The following PI4KA variants were observed in gnomAD, a reference collection of about 807,000 sequenced individuals.
The protein encoded by PI4KA is phosphatidylinositol 4-kinase alpha, also known as PI4-kinase alpha.
PI4KA carries 122 observed loss-of-function variants against 271.4 expected under a neutral mutation model. That is an observed-to-expected ratio of 0.45 (90% CI 0.39 to 0.52). The LOEUF (loss-of-function observed/expected upper bound fraction) is 0.52. Among genes scored for constraint, PI4KA ranks in the 20% least tolerant of loss-of-function variants. PI4KA has a pLI of 0.00. For missense variants in PI4KA, 1,969 were observed against 2,769.1 expected, an observed-to-expected ratio of 0.71 and a Z score of 6.48; for synonymous variants, 1,041 against 1,078.8, an observed-to-expected ratio of 0.96 and a Z score of 0.69.
At chr22:20,795,225 C>T (rs1460306175) in intron 18 of PI4KA, among the ~76,000 whole-genome samples, 1 of 151,368 alleles carries the variant, frequency 6.6e-6, no homozygotes, top group Non-Finnish European at 1.5e-5. Context: ...CCTAAACACG[C>T]CTCAGTACCA....
intron 10 of PI4KA, among the ~76,000 whole-genome samples, chr22:20,806,428 G>A (rs1394836752): frequency 2.6e-5 from 4 of 152,120 alleles, no homozygotes; most frequent in Non-Finnish European, 5.9e-5. Flanking sequence ...CCAGCACTTT[G>A]GGAGGCCAAG....
At chr22:20,751,461 C>T in intron 26 of PI4KA, 85 bp from the exon 27 acceptor site, 1 of 1,210,720 alleles carries the variant, frequency 8.3e-7, no homozygotes, top group Non-Finnish European at 1.2e-6. Context: ...TACCCACCAC[C>T]TGTCTGTCTG....
chr22:20,855,271 T>C (rs2030210761), intron 1 of PI4KA, among the ~76,000 whole-genome samples: 1 of 151,794 alleles, frequency 6.6e-6, no homozygotes, highest in Non-Finnish European at 1.5e-5. Flanking sequence ...TTTATATATA[T>C]ATATTTTTAT....
chr22:20,849,168 T>C (rs1226342376), intron 1 of PI4KA, among the ~76,000 whole-genome samples: 1 of 152,220 alleles, frequency 6.6e-6, no homozygotes, highest in South Asian at 2.1e-4. Flanking sequence ...TCCACTAGGA[T>C]GGCTATAACT....
intron 14 of PI4KA, among the ~76,000 whole-genome samples, chr22:20,801,035 C>G (rs1190044341): frequency 1.3e-5 from 2 of 149,180 alleles, no homozygotes; most frequent in South Asian, 4.4e-4. Context: ...GGATTACAGG[C>G]ACGTGCCACC....
rs770468103 is a variant in PI4KA at position 20,819,789 on chromosome 22, G to C, written c.641C>G (p.Pro214Arg). 3.7e-6 allele frequency: 6 copies of C among 1,614,186 alleles called. No individual in the cohort carries two copies. The highest frequency in any genetic ancestry group is 5.1e-6 in the Non-Finnish European group (6 of 1,180,014). ...CTCTTCCAGGACACGGAGGGAATGA[G>C]GAGGGATTTTGGGAAAGAGCTTTGA... ...LLSKLFPKIP[P>R]HSLRVLEELE... Residue 214 changes from proline (P) to arginine (R), a missense_variant, in exon 6 of 55, where the codon CCT (proline) becomes CGT (arginine). By Grantham distance (103) the Pro-to-Arg change is moderately radical. Transcript: ENST00000255882.
intron 36 of PI4KA, 116 bp downstream of exon 36, chr22:20,732,855 G>A: frequency 1.7e-6 from 2 of 1,173,482 alleles, no homozygotes; most frequent in Non-Finnish European, 2.5e-6. Flanking sequence ...CCAAGGCCAG[G>A]GCTCAGGGGG....
intron 19 of PI4KA, among the ~76,000 whole-genome samples, chr22:20,783,781 C>A (rs1466757873): frequency 2.0e-5 from 3 of 152,162 alleles, no homozygotes; most frequent in African/African-American, 7.2e-5. Flanking sequence ...GTCCGGGTAA[C>A]CTCTCGTTAA....
chr22:20,719,636 T>C (rs1926456559), intron 43 of PI4KA, among the ~76,000 whole-genome samples: 2 of 151,960 alleles, frequency 1.3e-5, no homozygotes, highest in South Asian at 4.2e-4. Context: ...GATGTTTTCC[T>C]GAAAATGAAC....
intron 27 of PI4KA, 44 bp from the exon 28 acceptor site, chr22:20,750,038 C>T: frequency 7.9e-7 from 1 of 1,270,800 alleles, no homozygotes; most frequent in Non-Finnish European, 1.2e-6. Flanking sequence ...GAGGTCAGTT[C>T]ATCTGAGCTG....
Position 20,710,913 on chromosome 22 carries a change from A to G in PI4KA, c.5924-55T>C, listed in dbSNP as rs113356965. On this transcript the variant is annotated intron_variant, in intron 51 of 54. Transcript: ENST00000255882. ...TGGGTAGGAGCCAGGGCGGGCAAGG[A>G]CAAGTGGTCTGTTTTGAGGAGTGGA... 114,662 of 1,599,928 alleles carry G rather than the reference A, an allele frequency of 0.072. 3,860 individuals carry two copies. Among genetic ancestry groups the G allele is most frequent in the Non-Finnish European group, 0.075 (87,823 of 1,169,208 alleles).
intron 48 of PI4KA, 123 bp downstream of exon 48, chr22:20,713,158 G>C: frequency 1.2e-6 from 1 of 819,296 alleles, no homozygotes; most frequent in South Asian, 1.5e-5. Flanking sequence ...CGTGGCACCT[G>C]AACCATATAA....
chr22:20,831,265 T>C (rs1924125437), intron 3 of PI4KA, among the ~76,000 whole-genome samples: 1 of 151,930 alleles, frequency 6.6e-6, no homozygotes, highest in Non-Finnish European at 1.5e-5. Context: ...AATTCTTTTC[T>C]TTAACAATGC....
rs1927488889 is a variant in PI4KA at position 20,727,393 on chromosome 22, AG to A, written c.4777del (p.Leu1593TrpfsTer47). 6.2e-7 allele frequency: 1 copy of A among 1,601,890 alleles called. No homozygotes were observed. The highest frequency in any genetic ancestry group is 1.3e-5 in the African/African-American group (1 of 74,474). On this transcript the variant is annotated frameshift_variant, in exon 41 of 55. Coordinates refer to ENST00000255882, the MANE Select transcript of PI4KA (RefSeq NM_058004.4). LOFTEE classifies it high-confidence loss of function. ...VSDVPEAIKF[L>X]VTWHTIDADA... ...GGCGTCGATGGTGTGCCAGGTGACC[AG>A]GAACTGCAGAGAAGGTGGGGAGATG...
At chr22:20,834,322 A>C (rs1363310189) in intron 3 of PI4KA, among the ~76,000 whole-genome samples, 1 of 152,060 alleles carries the variant, frequency 6.6e-6, no homozygotes, top group African/African-American at 2.4e-5. Context: ...GTTCTTGCTC[A>C]CTCTCAGAAG....
rs140099584 is a variant in PI4KA, at chr22:20,716,819, G to A, written c.5317+889C>T. ...CCTCTCTGGGAAGCCGTGCTGTTGT[G>A]TGAGCTCAACACAATGTGTTGGGAA... is the stretch of plus-strand genomic sequence containing the variant. On this transcript the variant is annotated intron_variant, in intron 45 of 54. Coordinates refer to ENST00000255882, the MANE Select transcript of PI4KA (RefSeq NM_058004.4). 5.9e-3 allele frequency among the ~76,000 whole-genome samples: 893 copies of A among 152,334 alleles called. 6 individuals are homozygous for A. Among genetic ancestry groups the A allele is most frequent in the East Asian group, 0.055 (285 of 5,168 alleles).
chr22:20,801,851 A>G, intron 14 of PI4KA, 122 bp downstream of exon 14: 1 of 1,101,862 alleles, frequency 9.1e-7, no homozygotes, highest in Non-Finnish European at 1.3e-6. Context: ...GTGCCACTGC[A>G]TTCCAGCCTG....
intron 1 of PI4KA, among the ~76,000 whole-genome samples, chr22:20,854,133 T>C (rs924116856): frequency 3.9e-5 from 6 of 152,154 alleles, no homozygotes; most frequent in Non-Finnish European, 8.8e-5. Context: ...TAATTTTGTT[T>C]TTTTTGAGAC....
intron 22 of PI4KA, chr22:20,764,614 C>G: frequency 1.9e-6 from 1 of 531,030 alleles, no homozygotes; most frequent in Admixed American, 3.7e-5. Context: ...AGCTTAGATA[C>G]TGGGAGGTGT....
Sources: allele counts gnomAD v4.1 joint callset (sites outside exome capture counted in the v4.1 genomes callset), GRCh38; gene constraint gnomAD v4.1.1; transcripts MANE v1.5; gene names NCBI Gene and HGNC (gene_info 2026-07-23, HGNC 2026-07-21).